The following TMOD3 variants were observed in gnomAD, a reference collection of about 807,000 sequenced individuals.
TMOD3 encodes tropomodulin 3.
TMOD3 carries 20 observed loss-of-function variants against 39.2 expected under a neutral mutation model. That is an observed-to-expected ratio of 0.51 (90% CI 0.36 to 0.74). The LOEUF (loss-of-function observed/expected upper bound fraction) is 0.74, where lower values mean the gene tolerates loss of function less well. TMOD3 is among the 30% of genes least tolerant of loss of function. The pLI, the probability that TMOD3 is intolerant of heterozygous loss-of-function variation, is 0.00. For missense variants in TMOD3, 381 were observed against 412.8 expected, an observed-to-expected ratio of 0.92 and a Z score of 0.67; for synonymous variants, 143 against 145.8, an observed-to-expected ratio of 0.98 and a Z score of 0.14.
At chr15:51,904,719 T>C (rs1391229060) in intron 9 of TMOD3, among the ~76,000 whole-genome samples, 1 of 152,126 alleles carries the variant, frequency 6.6e-6, no homozygotes, top group Non-Finnish European at 1.5e-5. Context: ...TGCATTTCTG[T>C]AAGAAAAGAA....
intron 1 of TMOD3, among the ~76,000 whole-genome samples, chr15:51,841,162 G>A (rs760401981): frequency 7.2e-5 from 11 of 152,164 alleles, no homozygotes; most frequent in Non-Finnish European, 1.5e-4. Flanking sequence ...GTATGATAAA[G>A]TGCCTGGCAT....
At chr15:51,859,693 G>A in intron 1 of TMOD3, 2 of 485,052 alleles carry the variant, frequency 4.1e-6, no homozygotes, top group South Asian at 1.7e-5. Flanking sequence ...GGTGCACAGA[G>A]TCTTCCTCAA....
At chr15:51,845,252 C>G (rs1555465517) in intron 1 of TMOD3, among the ~76,000 whole-genome samples, 2 of 152,162 alleles carry the variant, frequency 1.3e-5, no homozygotes, top group Non-Finnish European at 1.5e-5. Context: ...GAGGGAGGAT[C>G]TGTGCTCAGT....
chr15:51,901,621 C>G, intron 8 of TMOD3: 1 of 296,702 alleles, frequency 3.4e-6, no homozygotes, highest in Admixed American at 5.3e-5. Context: ...GTATAAAGTT[C>G]CAGTGAGGCT....
At chr15:51,900,582 C>T (rs1022936498) in intron 8 of TMOD3, among the ~76,000 whole-genome samples, 1 of 152,170 alleles carries the variant, frequency 6.6e-6, no homozygotes, top group Non-Finnish European at 1.5e-5. Flanking sequence ...AGTCCACCTT[C>T]CAATTTTTCA....
intron 1 of TMOD3, among the ~76,000 whole-genome samples, chr15:51,834,715 C>G (rs148323055): frequency 6.6e-6 from 1 of 152,228 alleles, no homozygotes; most frequent in African/African-American, 2.4e-5. Flanking sequence ...CCTATAATCC[C>G]AGCTACTTGG....
At chr15:51,900,901 T>C (rs2056646877) in intron 8 of TMOD3, 1 of 152,192 alleles carries the variant, frequency 6.6e-6, no homozygotes, top group South Asian at 2.1e-4. Flanking sequence ...TACAGCTAAA[T>C]GGTTTTTAGT....
chr15:51,838,642 G>C (rs2056298305), intron 1 of TMOD3, among the ~76,000 whole-genome samples: 1 of 152,162 alleles, frequency 6.6e-6, no homozygotes, highest in Admixed American at 6.5e-5. Flanking sequence ...ATGCATTACT[G>C]TGTAATTTAT....
intron 3 of TMOD3, among the ~76,000 whole-genome samples, chr15:51,886,584 C>T (rs928649549): frequency 3.3e-5 from 5 of 152,124 alleles, no homozygotes; most frequent in African/African-American, 1.2e-4. Context: ...GAGAATCAGG[C>T]AGGGAGGTTG....
intron 3 of TMOD3, among the ~76,000 whole-genome samples, chr15:51,886,268 G>A (rs918609413): frequency 5.3e-5 from 8 of 152,092 alleles, no homozygotes; most frequent in Admixed American, 2.0e-4. Flanking sequence ...ACGGGGTGGC[G>A]GCCGGGCAGA....
intron 3 of TMOD3, among the ~76,000 whole-genome samples, chr15:51,884,817 T>C (rs1444999436): frequency 6.6e-6 from 1 of 152,202 alleles, no homozygotes; most frequent in East Asian, 1.9e-4. Flanking sequence ...GGAACCTGGA[T>C]CCTTGATGTC....
chr15:51,884,943 C>T (rs2056552303), intron 3 of TMOD3, among the ~76,000 whole-genome samples: 1 of 152,226 alleles, frequency 6.6e-6, no homozygotes, highest in African/African-American at 2.4e-5. Flanking sequence ...TGTGGATCAG[C>T]ATCATCTGGA....
In TMOD3 at chr15:51,896,411, CT is replaced by C. The variant is rs1212289526; in HGVS notation, c.628-5del. Reference sequence around the variant, plus strand: ...ATGTAATGATGTTTTATGTTATTGTCTTTCAAGAATATCCCAATTCCAACCC... The same window carrying C: ...ATGTAATGATGTTTTATGTTATTGTCTTCAAGAATATCCCAATTCCAACCC... On this transcript the variant is annotated splice_region_variant and splice_polypyrimidine_tract_variant and intron_variant, in intron 6 of 9. Coordinates refer to ENST00000308580, the MANE Select transcript of TMOD3 (RefSeq NM_014547.5). 6.4e-7 allele frequency: 1 copy of C among 1,573,572 alleles called. No homozygotes were observed. The highest frequency in any genetic ancestry group is 2.2e-5 in the East Asian group (1 of 44,630).
intron 1 of TMOD3, among the ~76,000 whole-genome samples, chr15:51,832,203 T>TTA (rs3985812): frequency 0.11 from 8,587 of 79,206 alleles, 1,085 homozygotes; most frequent in Middle Eastern, 0.16. Flanking sequence ...AGAAAAAAAA[T>TTA]TATATATATA....
intron 2 of TMOD3, among the ~76,000 whole-genome samples, chr15:51,868,333 A>G (rs2056457789): frequency 1.3e-5 from 2 of 152,188 alleles, no homozygotes; most frequent in Non-Finnish European, 1.5e-5. Flanking sequence ...GTTCAGGGAT[A>G]CCTGTGCAGG....
Position 51,869,348 on chromosome 15 carries a change from T to G in TMOD3, c.258T>G (p.Tyr86Ter). ...EALEHKDREDYVPYTGEKKGK... is the reference protein window; with the variant it reads ...EALEHKDRED ...TGGAGCATAAAGACAGGGAAGACTA[T>G]GTGCCCTACACTGGAGAAAAAAAAG... The change falls in exon 3 of 10, where the codon TAT becomes TAG. Residue 86 changes from tyrosine (Y) to a stop codon, truncating the protein, a stop_gained. Transcript: ENST00000308580. LOFTEE classifies it high-confidence loss of function. 1.2e-6 allele frequency: 2 copies of G among 1,614,012 alleles called. No homozygotes were observed. Among genetic ancestry groups the G allele is most frequent in the Non-Finnish European group, 1.7e-6 (2 of 1,179,986 alleles).
chr15:51,835,054 G>A (rs2056275669), intron 1 of TMOD3: 1 of 152,164 alleles, frequency 6.6e-6, no homozygotes, highest in Non-Finnish European at 1.5e-5. Context: ...ATGGAAGAAT[G>A]TTAAGTATGA....
chr15:51,845,011 C>T (rs139000066), intron 1 of TMOD3, among the ~76,000 whole-genome samples: 1 of 152,170 alleles, frequency 6.6e-6, no homozygotes, highest in East Asian at 1.9e-4. Context: ...ATGTACATAT[C>T]TAGCATGATT....
intron 1 of TMOD3, among the ~76,000 whole-genome samples, chr15:51,854,510 G>A (rs896372619): frequency 6.6e-6 from 1 of 152,204 alleles, no homozygotes; most frequent in African/African-American, 2.4e-5. Flanking sequence ...ACAACTCATA[G>A]ACTATCTCTC....
Sources: gnomAD v4.1 joint callset for allele counts (sites outside exome capture counted in the v4.1 genomes callset) on GRCh38, gnomAD v4.1.1 for gene constraint, MANE v1.5 for transcripts, NCBI Gene and HGNC (gene_info 2026-07-23, HGNC 2026-07-21) for gene names.